LAMA3: variants seen among roughly 807,000 people sequenced by gnomAD.
LAMA3 encodes the protein laminin subunit alpha-3.
LAMA3 carries 281 observed loss-of-function variants against 402.0 expected under a neutral mutation model. The observed-to-expected ratio is 0.70, with a 90% CI of 0.63 to 0.77. The LOEUF (loss-of-function observed/expected upper bound fraction) is 0.77. Among genes scored for constraint, LAMA3 ranks in the 30% least tolerant of loss-of-function variants. The pLI is 0.00. For missense variants in LAMA3, 3,840 were observed against 4,215.5 expected (o/e 0.91, Z 2.47); for synonymous variants, 1,431 against 1,558.4 (o/e 0.92, Z 1.93).
chr18:23,902,078 T>A (rs1479102803), intron 48 of LAMA3, among the ~76,000 whole-genome samples: 6 of 152,162 alleles, frequency 3.9e-5, no homozygotes, highest in African/African-American at 1.2e-4. Context: ...ATCCTAACAC[T>A]TTGAGAGGCC....
chr18:23,823,037 A>G lies in LAMA3; in HGVS notation c.2428+662A>G, dbSNP rs187089475. On this transcript the variant is annotated intron_variant, in intron 20 of 74. Transcript: ENST00000313654. ...TTTACAAGGACACAAAATGGCACCAATGGAAATCTAATTTAGGATCAAAAT... is the reference window on the plus strand; with the variant it reads ...TTTACAAGGACACAAAATGGCACCAGTGGAAATCTAATTTAGGATCAAAAT... 8.7e-3 allele frequency among the ~76,000 whole-genome samples: 1,319 copies of G among 152,326 alleles called. 12 individuals are homozygous for G. Among genetic ancestry groups the G allele is most frequent in the South Asian group, 0.066 (321 of 4,828 alleles).
chr18:23,747,821 G>C (rs546125206), intron 2 of LAMA3, 122 bp from the exon 3 acceptor site: 1 of 727,570 alleles, frequency 1.4e-6, no homozygotes, highest in Non-Finnish European at 2.5e-6. Flanking sequence ...AATCAGGATC[G>C]GGATCTTGAG....
rs754652449 is a variant in LAMA3, at chr18:23,833,986, C to T, written c.2982C>T (p.Tyr994=). The change falls in exon 24 of 75, where the codon TAC becomes TAT. Residue 994 remains tyrosine, a splice_region_variant and synonymous_variant. Coordinates refer to ENST00000313654, the MANE Select transcript of LAMA3 (RefSeq NM_198129.4). The part of the protein sequence containing the change: ...AGQVNIYSCN[Y]SVLCRSAVID... ...AGGTGAACATTTACAGCTGCAACTA[C>T]AGGTACTCAGCCCCACCAAGGGAAT... The T allele has an allele frequency of 1.9e-5, 31 of 1,614,116 alleles. No homozygotes were observed. Among genetic ancestry groups the T allele is most frequent in the Admixed American group, 5.0e-5 (3 of 59,998 alleles).
rs916506814 is a variant in LAMA3, at chr18:23,692,206, C to T, written c.294+2229C>T. ...AAATTTTTAGAAGTAGAAACTTGGC[C>T]GGTAATTGTTCACTTCCAAGTTGTA... On this transcript the variant is annotated intron_variant, in intron 1 of 74. Coordinates refer to ENST00000313654, the MANE Select transcript of LAMA3 (RefSeq NM_198129.4). Among the ~76,000 whole-genome samples, 141 of 152,144 alleles carry T rather than the reference C, an allele frequency of 9.3e-4. 1 individual carries two copies. The highest frequency in any genetic ancestry group is 1.6e-3 in the Non-Finnish European group (107 of 68,028).
chr18:23,694,800 C>A (rs533217030), intron 1 of LAMA3, among the ~76,000 whole-genome samples: 180 of 152,316 alleles, frequency 1.2e-3, no homozygotes, highest in African/African-American at 4.1e-3. Context: ...TTATTAGGAT[C>A]ATGAGCTTCC....
At chr18:23,694,361 A>C (rs1425377906) in intron 1 of LAMA3, among the ~76,000 whole-genome samples, 1 of 152,178 alleles carries the variant, frequency 6.6e-6, no homozygotes, top group Non-Finnish European at 1.5e-5. Flanking sequence ...AGGGGGCAGA[A>C]TGGTGAGAAG....
rs1165584232 is a variant in LAMA3, at chr18:23,842,603, T to A, written c.3464-8T>A. The A allele has an allele frequency of 6.2e-7, 1 of 1,613,890 alleles. No homozygotes were observed. The highest frequency in any genetic ancestry group is 1.3e-5 in the African/African-American group (1 of 74,940). On this transcript the variant is annotated splice_region_variant and splice_polypyrimidine_tract_variant and intron_variant, in intron 28 of 74. Coordinates refer to ENST00000313654, the MANE Select transcript of LAMA3 (RefSeq NM_198129.4). ...GCATGACAGAAAGTCTCTCTCTCTC[T>A]CTGCCAGGCTCCTTCCATGCCTCTT...
At chr18:23,876,430 G>A in intron 39 of LAMA3, 23 bp downstream of exon 39, 2 of 1,429,864 alleles carry the variant, frequency 1.4e-6, no homozygotes, top group Non-Finnish European at 2.0e-6. Flanking sequence ...ACACTTTAAT[G>A]CTATCAGCAG....
At chr18:23,872,850 C>A (rs1421594197) in intron 38 of LAMA3, 1 of 615,628 alleles carries the variant, frequency 1.6e-6, no homozygotes, top group African/African-American at 1.8e-5. Flanking sequence ...AATTACAGAG[C>A]GGTGCGCTTA....
chr18:23,741,154 T>A (rs1168277332), intron 2 of LAMA3, among the ~76,000 whole-genome samples: 1 of 151,672 alleles, frequency 6.6e-6, no homozygotes, highest in East Asian at 1.9e-4. Flanking sequence ...AGAGACGGGG[T>A]TTCACTGTGT....
In LAMA3 at chr18:23,904,002, T is replaced by C. The variant is rs767027475; in HGVS notation, c.6388T>C (p.Ser2130Pro). Residue 2130 changes from serine (S) to proline (P), a missense_variant, in exon 50 of 75, where the codon TCC becomes CCC. By Grantham distance (74) the Ser-to-Pro change is moderately conservative. Transcript: ENST00000313654. Reference protein sequence around the residue: ...QELSDKVRELSRSAGKTSLVE... With the variant: ...QELSDKVRELPRSAGKTSLVE... Reference sequence around the variant, plus strand: ...ACTAAGTGACAAAGTAAGAGAACTTTCCAGATCTGCTGGCAAAACATCCCT... The same window carrying C: ...ACTAAGTGACAAAGTAAGAGAACTTCCCAGATCTGCTGGCAAAACATCCCT... The C allele has an allele frequency of 1.9e-6, 3 of 1,614,162 alleles. No homozygotes were observed. The highest frequency in any genetic ancestry group is 2.5e-6 in the Non-Finnish European group (3 of 1,180,020).
intron 49 of LAMA3, among the ~76,000 whole-genome samples, chr18:23,903,625 T>C (rs1288773068): frequency 1.3e-5 from 2 of 152,252 alleles, no homozygotes; most frequent in African/African-American, 4.8e-5. Flanking sequence ...AATAACTATT[T>C]CTAAATCATA....
At chr18:23,925,882 G>T (rs550144373) in intron 62 of LAMA3, among the ~76,000 whole-genome samples, 2 of 152,342 alleles carry the variant, frequency 1.3e-5, no homozygotes, top group South Asian at 4.1e-4. Context: ...AATACCAACT[G>T]TAAGTGTAAA....
intron 67 of LAMA3, among the ~76,000 whole-genome samples, chr18:23,938,313 T>C (rs532849844): frequency 2.9e-4 from 44 of 152,264 alleles, no homozygotes; most frequent in Non-Finnish European, 3.1e-4. Context: ...CCCACTGAGC[T>C]CTGAGCGCCT....
chr18:23,846,207 G>C (rs917111834), intron 30 of LAMA3, 90 bp from the exon 31 acceptor site: 27 of 1,229,496 alleles, frequency 2.2e-5, no homozygotes, highest in African/African-American at 7.4e-5. Flanking sequence ...CACAGATGCT[G>C]CTGGGTGGAG....
chr18:23,941,644 C>T (rs1348839010), intron 68 of LAMA3, among the ~76,000 whole-genome samples: 3 of 152,064 alleles, frequency 2.0e-5, no homozygotes, highest in African/African-American at 7.2e-5. Context: ...TGCTTTACCC[C>T]TTTGGTGAAT....
chr18:23,695,796 C>CAAAAAAAAAAAAA (rs58873998), intron 1 of LAMA3, among the ~76,000 whole-genome samples: 8 of 38,640 alleles, frequency 2.1e-4, no homozygotes, highest in African/African-American at 4.6e-4. Context: ...GACTCCATCT[C>CAAAAAAAAAAAAA]AAAAAAAAAA....
rs760531341 is a variant in LAMA3, at chr18:23,781,299, T to A, written c.1469-2724T>A. 1.0e-4 allele frequency: 47 copies of A among 455,992 alleles called. 1 individual carries two copies. Among genetic ancestry groups the A allele is most frequent in the South Asian group, 7.0e-4 (45 of 64,522 alleles). The allele number at this position is 455,992 out of a possible 1,614,324, so 28.2% of individuals were successfully genotyped here. The stretch of plus-strand genomic sequence containing the variant: ...TGGCAGCTGTGATGGACGGACAGGG[T>A]GGTGCTCATGCCATCCTGGGTTCCA... On this transcript the variant is annotated intron_variant, in intron 11 of 74. Transcript: ENST00000313654.
At chr18:23,864,636 C>T (rs1013379003) in intron 35 of LAMA3, 149 bp from the exon 36 acceptor site, 1 of 675,908 alleles carries the variant, frequency 1.5e-6, no homozygotes. Context: ...AAATACCATC[C>T]TCAACCCCAC....
Sources: gnomAD v4.1 joint callset for allele counts (sites outside exome capture counted in the v4.1 genomes callset) on GRCh38, gnomAD v4.1.1 for gene constraint, MANE v1.5 for transcripts, NCBI Gene and HGNC (gene_info 2026-07-23, HGNC 2026-07-21) for gene names.